SLC8A3: variants seen among roughly 807,000 people sequenced by gnomAD.
SLC8A3 encodes solute carrier family 8 member A3, also known as sodium/calcium exchanger 3.
In SLC8A3, 37 loss-of-function variants were observed where a neutral mutation model predicts 65.4. The observed-to-expected ratio is 0.57, with a 90% CI of 0.44 to 0.74. The LOEUF (loss-of-function observed/expected upper bound fraction) is 0.74, where lower values mean the gene tolerates loss of function less well. Among genes scored for constraint, SLC8A3 ranks in the 30% least tolerant of loss-of-function variants. The pLI is 0.00. For missense variants in SLC8A3, 1,112 were observed against 1,172.1 expected, an observed-to-expected ratio of 0.95 and a Z score of 0.75; for synonymous variants, 461 against 444.5, an observed-to-expected ratio of 1.04 and a Z score of -0.47.
At chr14:70,130,902 C>G (rs1894785236) in intron 2 of SLC8A3, among the ~76,000 whole-genome samples, 1 of 152,166 alleles carries the variant, frequency 6.6e-6, no homozygotes, top group Non-Finnish European at 1.5e-5. Flanking sequence ...GTAGAAATGC[C>G]TAGCAGGCAA....
rs1205603040 is a variant in SLC8A3 at position 70,045,935 on chromosome 14, C to G, written c.*12G>C. The G allele has an allele frequency of 6.4e-6, 10 of 1,570,706 alleles. 1 individual carries two copies. The highest frequency in any genetic ancestry group is 2.3e-5 in the South Asian group (2 of 85,778). On this transcript the variant is annotated 3_prime_UTR_variant, in exon 7 of 7. Coordinates refer to ENST00000356921, the MANE Select transcript of SLC8A3 (RefSeq NM_182932.3). ...TCCTAGGCCTGCCCTGCTGGAGGCT[C>G]TGTTGTGTGGCTTAGAACCCCTTGA...
At chr14:70,136,202 A>G (rs547899360) in intron 2 of SLC8A3, among the ~76,000 whole-genome samples, 3 of 152,348 alleles carry the variant, frequency 2.0e-5, no homozygotes, top group Non-Finnish European at 4.4e-5. Flanking sequence ...CACCCAGCCC[A>G]GGATTGCTAG....
At chr14:70,082,286 G>C (rs1006126216) in intron 2 of SLC8A3, among the ~76,000 whole-genome samples, 46 of 151,974 alleles carry the variant, frequency 3.0e-4, no homozygotes, top group Non-Finnish European at 4.4e-5. Flanking sequence ...TAATTTCTTG[G>C]GGGGGTGACC....
intron 2 of SLC8A3, among the ~76,000 whole-genome samples, chr14:70,144,315 T>G (rs1411167026): frequency 2.1e-5 from 3 of 140,722 alleles, no homozygotes; most frequent in Non-Finnish European, 4.6e-5. Flanking sequence ...CCTGTTTTTT[T>G]TTTTTTTTTT....
chr14:70,113,422 T>C (rs1025450448), intron 2 of SLC8A3, among the ~76,000 whole-genome samples: 1 of 152,192 alleles, frequency 6.6e-6, no homozygotes, highest in African/African-American at 2.4e-5. Flanking sequence ...CTGTCACATA[T>C]GCAATCCACT....
chr14:70,166,854 G>A lies in SLC8A3; in HGVS notation c.1569C>T (p.Ile523=). Residue 523 remains isoleucine, a synonymous_variant, in exon 2 of 7, where the codon ATC becomes ATT. Coordinates refer to ENST00000356921, the MANE Select transcript of SLC8A3 (RefSeq NM_182932.3). Reference sequence around the variant, plus strand: ...AGATGCCTGCATGGTCATCATCCAAGATGGTAACTGTGGCCACACAAGGGG... The same window carrying A: ...AGATGCCTGCATGGTCATCATCCAAAATGGTAACTGTGGCCACACAAGGGG... The part of the protein sequence containing the change: ...LASPCVATVT[I]LDDDHAGIFT... 1.2e-6 allele frequency: 2 copies of A among 1,614,056 alleles called. No homozygotes were observed. The highest frequency in any genetic ancestry group is 1.7e-6 in the Non-Finnish European group (2 of 1,179,924).
rs1398587427 is a variant in SLC8A3 at position 70,166,946 on chromosome 14, G to T, written c.1477C>A (p.Gln493Lys). The T allele has an allele frequency of 1.2e-6, 2 of 1,614,184 alleles. No homozygotes were observed. Among genetic ancestry groups the T allele is most frequent in the South Asian group, 1.1e-5 (1 of 91,086 alleles). The change falls in exon 2 of 7, where the codon CAG becomes AAG. Residue 493 changes from glutamine to lysine, a missense_variant. By Grantham distance (53) the Gln-to-Lys change is moderately conservative (BLOSUM62 1). Transcript: ENST00000356921. ...GCTGGAGGCATCCCCTCCTCTGGCT[G>T]CTCCTCCTCTATGCGGACATTGCTC... ...RLSNVRIEEE[Q>K]PEEGMPPAIF...
chr14:70,186,054 A>G (rs1424377409), intron 1 of SLC8A3, among the ~76,000 whole-genome samples: 1 of 152,102 alleles, frequency 6.6e-6, no homozygotes, highest in Non-Finnish European at 1.5e-5. Flanking sequence ...AGTTCCTATA[A>G]TCCCTACGTG....
chr14:70,136,113 A>C (rs1452556837), intron 2 of SLC8A3, among the ~76,000 whole-genome samples: 2 of 152,208 alleles, frequency 1.3e-5, no homozygotes, highest in Non-Finnish European at 2.9e-5. Flanking sequence ...GACACACACA[A>C]AAAGAAGAAG....
intron 2 of SLC8A3, among the ~76,000 whole-genome samples, chr14:70,138,532 G>T (rs559368564): frequency 6.6e-6 from 1 of 152,344 alleles, no homozygotes; most frequent in African/African-American, 2.4e-5. Flanking sequence ...CAAGCAGATT[G>T]AATCCAGGTT....
intron 4 of SLC8A3, 115 bp from the exon 5 acceptor site, chr14:70,051,222 C>A: frequency 1.4e-6 from 1 of 703,418 alleles, no homozygotes. Flanking sequence ...CTGACAGTTA[C>A]GCATGGAATG....
intron 2 of SLC8A3, among the ~76,000 whole-genome samples, chr14:70,161,724 T>A (rs1025239043): frequency 1.3e-5 from 2 of 152,222 alleles, no homozygotes; most frequent in Admixed American, 6.5e-5. Flanking sequence ...AGAAAGAGAC[T>A]ATCTTAAAAC....
chr14:70,046,179 C>G lies in SLC8A3; in HGVS notation c.2534G>C (p.Gly845Ala). The stretch of plus-strand genomic sequence containing the variant: ...GCCGGCCGACACGTGGAACTCCTGT[C>G]CCTGCAGAGCCCAGTAGATGGCGGC... ...SVAAIYWALQ[G>A]QEFHVSAGTL... is the part of the protein sequence containing the mutation. The change falls in exon 7 of 7, where the codon GGA becomes GCA. Residue 845 changes from glycine (G) to alanine (A), a missense_variant. Physicochemically the swap from Gly to Ala is moderately conservative, Grantham distance 60. Coordinates refer to ENST00000356921, the MANE Select transcript of SLC8A3 (RefSeq NM_182932.3). This position sits in a 1 kb window ranked among gnomAD's most constrained non-coding sequence, Gnocchi z 4.2. 2 of 1,614,220 alleles carry G rather than the reference C, an allele frequency of 1.2e-6. No homozygotes were observed. Among genetic ancestry groups the G allele is most frequent in the Non-Finnish European group, 1.7e-6 (2 of 1,180,036 alleles).
At position 70,052,040 on chromosome 14, in the gene SLC8A3, C is replaced by A. The variant is rs1201536061; in HGVS notation, c.1963G>T (p.Gly655Cys). 2 of 1,613,034 alleles carry A rather than the reference C, an allele frequency of 1.2e-6. No individual in the cohort carries two copies. Among genetic ancestry groups the A allele is most frequent in the African/African-American group, 2.7e-5 (2 of 74,824 alleles). Reference sequence around the variant, plus strand: ...ATGACTTCTAGTTTGGGGTGTTCACCCAATACTGGCTTTCCCATCTCTGCT... The same window carrying A: ...ATGACTTCTAGTTTGGGGTGTTCACACAATACTGGCTTTCCCATCTCTGCT... ...RIAEMGKPVL[G>C]EHPKLEVIIE... Residue 655 changes from glycine (G) to cysteine (C), a missense_variant, in exon 4 of 7, where the codon GGT (glycine) becomes TGT (cysteine). Gly to Cys is a radical substitution (Grantham distance 159). Coordinates refer to ENST00000356921, the MANE Select transcript of SLC8A3 (RefSeq NM_182932.3).
At chr14:70,100,772 G>C (rs1423199844) in intron 2 of SLC8A3, among the ~76,000 whole-genome samples, 3 of 152,236 alleles carry the variant, frequency 2.0e-5, no homozygotes, top group African/African-American at 7.2e-5. Context: ...CAAGAGAATG[G>C]AAGATGAAGC....
intron 2 of SLC8A3, among the ~76,000 whole-genome samples, chr14:70,164,041 G>T (rs142002034): frequency 6.6e-5 from 10 of 152,286 alleles, no homozygotes; most frequent in African/African-American, 2.2e-4. Flanking sequence ...GTCTTCTGAA[G>T]AATATTGTTA....
At chr14:70,117,194 C>T (rs1286866306) in intron 2 of SLC8A3, among the ~76,000 whole-genome samples, 3 of 152,220 alleles carry the variant, frequency 2.0e-5, no homozygotes, top group African/African-American at 7.2e-5. Flanking sequence ...CTGAGTGCCC[C>T]TCTTAGGATG....
At chr14:70,112,131 T>TGGAAAG (rs1480780741) in intron 2 of SLC8A3, among the ~76,000 whole-genome samples, 6 of 150,006 alleles carry the variant, frequency 4.0e-5, no homozygotes, top group Non-Finnish European at 8.9e-5. Flanking sequence ...CAAGGGAGAG[T>TGGAAAG]GGAAAGGGAG....
At chr14:70,151,096 T>G (rs1181142408) in intron 2 of SLC8A3, among the ~76,000 whole-genome samples, 1 of 151,426 alleles carries the variant, frequency 6.6e-6, no homozygotes, top group African/African-American at 2.4e-5. Flanking sequence ...CTGCTAAAAG[T>G]ACAAAAAATT....
Sources: allele counts gnomAD v4.1 joint callset (sites outside exome capture counted in the v4.1 genomes callset), GRCh38; gene constraint gnomAD v4.1.1; non-coding constraint Gnocchi (gnomAD v3.1); transcripts MANE v1.5; gene names NCBI Gene and HGNC (gene_info 2026-07-23, HGNC 2026-07-21).